The following ATF2 variants were observed in gnomAD, a reference collection of about 807,000 sequenced individuals.
ATF2 encodes the protein activating transcription factor 2.
Under a neutral mutation model 60.6 loss-of-function variants are expected in ATF2, and 24 were observed. That is an observed-to-expected ratio of 0.40 (90% CI 0.29 to 0.56). The LOEUF is 0.56. Ranked by LOEUF, ATF2 falls within the 20% of genes least tolerant of loss-of-function variation. ATF2 has a pLI of 0.54. For synonymous variants in ATF2, 206 were observed against 215.4 expected (o/e 0.96, Z 0.38); for missense variants, 433 against 607.7 (o/e 0.71, Z 3.02).
chr2:175,142,846 GTGTC>G (rs1447366096), intron 2 of ATF2, among the ~76,000 whole-genome samples: 5 of 151,402 alleles, frequency 3.3e-5, no homozygotes, highest in African/African-American at 4.9e-5. Flanking sequence ...GTGTGTGTGT[GTGTC>G]TGTGTGTGTT....
intron 13 of ATF2, among the ~76,000 whole-genome samples, chr2:175,075,594 T>C (rs1693236316): frequency 6.6e-6 from 1 of 152,190 alleles, no homozygotes; most frequent in Non-Finnish European, 1.5e-5. Flanking sequence ...CAGAATCCAG[T>C]AATTTCATTT....
chr2:175,134,612 T>C (rs1698003778), intron 3 of ATF2, among the ~76,000 whole-genome samples: 1 of 151,772 alleles, frequency 6.6e-6, no homozygotes, highest in Admixed American at 6.6e-5. Context: ...TAAAATGTAT[T>C]TCCAGTAACC....
chr2:175,075,114 A>T, intron 13 of ATF2: 1 of 1,214,124 alleles, frequency 8.2e-7, no homozygotes, highest in Non-Finnish European at 1.1e-6. Flanking sequence ...AAAGAAAATG[A>T]GGGAGAGTTT....
intron 9 of ATF2, among the ~76,000 whole-genome samples, chr2:175,113,127 A>C (rs1050527606): frequency 7.2e-5 from 11 of 152,242 alleles, no homozygotes. Context: ...AGTGGTTCTC[A>C]GGATGAAAAT....
chr2:175,127,980 CCTAA>C (rs1293432883), intron 4 of ATF2, among the ~76,000 whole-genome samples: 2 of 152,098 alleles, frequency 1.3e-5, no homozygotes, highest in African/African-American at 4.8e-5. Context: ...GAGAATTTAC[CCTAA>C]CTGACTGGAA....
At chr2:175,100,121 T>A (rs896718673) in intron 10 of ATF2, among the ~76,000 whole-genome samples, 1 of 152,236 alleles carries the variant, frequency 6.6e-6, no homozygotes, top group Admixed American at 6.5e-5. Context: ...GAATACACTT[T>A]AGGTTCAGAA....
chr2:175,160,908 T>G (rs576169587), intron 1 of ATF2, among the ~76,000 whole-genome samples: 2 of 152,122 alleles, frequency 1.3e-5, no homozygotes, highest in South Asian at 4.1e-4. Context: ...TGTGGTGGCA[T>G]GTGAGTGTGG....
intron 1 of ATF2, among the ~76,000 whole-genome samples, chr2:175,160,649 A>C (rs1049855189): frequency 6.6e-6 from 1 of 152,210 alleles, no homozygotes; most frequent in African/African-American, 2.4e-5. Context: ...ACTTCAAAAC[A>C]ACTTTAGAAC....
rs1334662529 is a variant in ATF2, at chr2:175,074,583, A to G, written c.*26T>C. 6.3e-7 allele frequency: 1 copy of G among 1,594,260 alleles called. No individual in the cohort carries two copies. Among genetic ancestry groups the G allele is most frequent in the Non-Finnish European group, 8.6e-7 (1 of 1,168,842 alleles). On this transcript the variant is annotated 3_prime_UTR_variant, in exon 14 of 14. Coordinates refer to ENST00000264110, the MANE Select transcript of ATF2 (RefSeq NM_001880.4). The stretch of plus-strand genomic sequence containing the variant: ...CCTTTGAAGTCACTAATGAGTATCT[A>G]AAACTGTTGTACTGCAGGTTTTTAA...
intron 7 of ATF2, 141 bp from the exon 8 acceptor site, chr2:175,115,009 G>A: frequency 1.5e-6 from 1 of 655,030 alleles, no homozygotes; most frequent in Admixed American, 3.8e-5. Context: ...TTAATTAAAA[G>A]AACATTTTAG....
intron 10 of ATF2, among the ~76,000 whole-genome samples, chr2:175,109,246 G>C (rs933422268): frequency 2.1e-5 from 3 of 145,612 alleles, no homozygotes; most frequent in Non-Finnish European, 4.5e-5. Context: ...AACCATTAAA[G>C]TGTCCATGAG....
chr2:175,142,315 C>T (rs1369568516), intron 2 of ATF2, among the ~76,000 whole-genome samples: 2 of 151,606 alleles, frequency 1.3e-5, no homozygotes, highest in African/African-American at 4.8e-5. Context: ...ATTACAGGCA[C>T]GCACCACCAC....
rs181744946 is a variant in ATF2, at chr2:175,133,914, T to C, written c.32+2498A>G. On this transcript the variant is annotated intron_variant, in intron 3 of 13. Coordinates refer to ENST00000264110, the MANE Select transcript of ATF2 (RefSeq NM_001880.4). The stretch of plus-strand genomic sequence containing the variant: ...AAGCAAAAAAGGAGCAAACAGTTAT[T>C]TAACCTAATACTAGGAAAAAGACAA... Among the ~76,000 whole-genome samples, 15 of 152,266 alleles carry C rather than the reference T, an allele frequency of 9.9e-5. No individual in the cohort carries two copies. The East Asian group carries it at 2.9e-3, about 29-fold the overall frequency.
At position 175,072,403 on chromosome 2, in the gene ATF2, G is replaced by A. The variant is rs1464297837; in HGVS notation, c.*2206C>T. On this transcript the variant is annotated 3_prime_UTR_variant, in exon 14 of 14. Coordinates refer to ENST00000264110, the MANE Select transcript of ATF2 (RefSeq NM_001880.4). ...AGTATGACATCCTGAAAGTCAAAAT[G>A]GAATTTGTGTTTATACAACTAATAA... is the stretch of plus-strand genomic sequence containing the variant. The A allele has an allele frequency of 6.6e-6, 1 of 152,112 alleles. No homozygotes were observed. The highest frequency in any genetic ancestry group is 1.5e-5 in the Non-Finnish European group (1 of 68,008). 9.4% of individuals were successfully genotyped at this position (152,112 alleles called of 1,614,324 possible). A position where few individuals can be genotyped will look rare whatever the true frequency, so the allele number is the denominator to read the frequency against.
intron 4 of ATF2, among the ~76,000 whole-genome samples, chr2:175,129,921 T>C (rs1287669558): frequency 6.6e-6 from 1 of 151,888 alleles, no homozygotes; most frequent in Non-Finnish European, 1.5e-5. Context: ...GATATAATGC[T>C]CCCCCCCTCC....
chr2:175,107,735 T>C (rs1695784711), intron 10 of ATF2, among the ~76,000 whole-genome samples: 1 of 152,122 alleles, frequency 6.6e-6, no homozygotes, highest in African/African-American at 2.4e-5. Flanking sequence ...CTGACTGGTT[T>C]TCGTATTTTT....
intron 4 of ATF2, among the ~76,000 whole-genome samples, chr2:175,128,271 C>A (rs967891679): frequency 6.6e-6 from 1 of 152,184 alleles, no homozygotes; most frequent in Admixed American, 6.6e-5. Flanking sequence ...GAGGCCGAGG[C>A]AGGCGGATCA....
At chr2:175,102,957 T>C (rs950996566) in intron 10 of ATF2, among the ~76,000 whole-genome samples, 1 of 152,216 alleles carries the variant, frequency 6.6e-6, no homozygotes, top group African/African-American at 2.4e-5. Context: ...TACTGAAAAC[T>C]CTTTTTCTTA....
At chr2:175,115,077 C>A (rs959998796) in intron 7 of ATF2, among the ~76,000 whole-genome samples, 2 of 140,578 alleles carry the variant, frequency 1.4e-5, no homozygotes, top group African/African-American at 2.7e-5. Flanking sequence ...TAAAAAGACT[C>A]GTTTTTTTTT....
Sources: allele counts gnomAD v4.1 joint callset (sites outside exome capture counted in the v4.1 genomes callset), GRCh38; gene constraint gnomAD v4.1.1; transcripts MANE v1.5; gene names NCBI Gene and HGNC (gene_info 2026-07-23, HGNC 2026-07-21).